Variants in COL19A1 observed in about 807,000 individuals in gnomAD.
COL19A1 encodes the protein collagen type XIX alpha 1 chain.
In COL19A1, 159 loss-of-function variants were observed where a neutral mutation model predicts 190.2. The ratio of observed to expected loss-of-function variants is 0.84; its 90% CI spans 0.73 to 0.95. The LOEUF is 0.95. Among genes scored for constraint, COL19A1 ranks in the 40% least tolerant of loss-of-function variants. The probability of loss-of-function intolerance (pLI) is 0.00; values close to 1 mark genes in which losing one functional copy is unlikely to be tolerated. For synonymous variants in COL19A1, 509 were observed against 458.9 expected (o/e 1.11, Z -1.39); for missense variants, 1,418 against 1,431.9 (o/e 0.99, Z 0.16).
chr6:69,926,028 G>T (rs1356358582), intron 4 of COL19A1, among the ~76,000 whole-genome samples: 2 of 152,162 alleles, frequency 1.3e-5, no homozygotes, highest in African/African-American at 4.8e-5. Flanking sequence ...CATGTCATCT[G>T]CAAACAGGGA....
intron 15 of COL19A1, among the ~76,000 whole-genome samples, chr6:70,069,829 T>A (rs1781444563): frequency 6.6e-6 from 1 of 152,200 alleles, no homozygotes; most frequent in Non-Finnish European, 1.5e-5. Flanking sequence ...TTGATTTTAA[T>A]CCCTAATAGC....
chr6:69,947,808 C>A lies in COL19A1; in HGVS notation c.936+9708C>A, dbSNP rs146884907. ...CTTCATTGATGCTACTTTTTCCTTT[C>A]ATAAATTATTCAGTCTGATATGCAA... On this transcript the variant is annotated intron_variant, in intron 9 of 50. Transcript: ENST00000620364. 9.5e-3 allele frequency among the ~76,000 whole-genome samples: 1,436 copies of A among 151,832 alleles called. 10 individuals are homozygous for A. Among genetic ancestry groups the A allele is most frequent in the Non-Finnish European group, 0.017 (1,120 of 67,824 alleles).
chr6:69,929,154 C>CACACA (rs1772587669), intron 5 of COL19A1, among the ~76,000 whole-genome samples: 4 of 117,502 alleles, frequency 3.4e-5, no homozygotes, highest in African/African-American at 1.2e-4. Context: ...TTTAAAATAA[C>CACACA]TACACACACA....
chr6:70,186,705 C>T (rs1245775726), intron 46 of COL19A1, among the ~76,000 whole-genome samples: 1 of 152,068 alleles, frequency 6.6e-6, no homozygotes, highest in Non-Finnish European at 1.5e-5. Context: ...AAGCAACTGC[C>T]ATGATCTCTC....
intron 10 of COL19A1, among the ~76,000 whole-genome samples, chr6:69,962,495 T>A (rs991745080): frequency 6.6e-6 from 1 of 152,172 alleles, no homozygotes; most frequent in Non-Finnish European, 1.5e-5. Flanking sequence ...GTCTTTGCCA[T>A]GAACTATGAG....
chr6:69,982,558 T>C (rs1348294655), intron 11 of COL19A1, among the ~76,000 whole-genome samples: 2 of 151,000 alleles, frequency 1.3e-5, no homozygotes, highest in Non-Finnish European at 3.0e-5. Flanking sequence ...AACAATACAA[T>C]ATTGCCAAAA....
chr6:70,123,812 G>A lies in COL19A1; in HGVS notation c.1341+1870G>A, dbSNP rs1347496620. 2.3e-5 allele frequency among the ~76,000 whole-genome samples: 3 copies of A among 129,342 alleles called. No individual in the cohort carries two copies. In the Admixed American group the frequency reaches 2.4e-4, roughly 10 times the overall value. 84.9% of individuals were successfully genotyped at this position (129,342 alleles called of 152,430 possible). A position where few individuals can be genotyped will look rare whatever the true frequency, so the allele number is the denominator to read the frequency against. On this transcript the variant is annotated intron_variant, in intron 17 of 50. Coordinates refer to ENST00000620364, the MANE Select transcript of COL19A1 (RefSeq NM_001858.6). ...AATATCACACTCTGGGGACTGTTGTGGGGTCGGGGGAGGGGGGAGGGATAG... is the reference window on the plus strand; with the variant it reads ...AATATCACACTCTGGGGACTGTTGTAGGGTCGGGGGAGGGGGGAGGGATAG...
intron 9 of COL19A1, among the ~76,000 whole-genome samples, chr6:69,957,826 T>C (rs1354925483): frequency 6.6e-6 from 1 of 152,186 alleles, no homozygotes; most frequent in Non-Finnish European, 1.5e-5. Context: ...CCTAGAACTA[T>C]AAACCTGGGT....
chr6:69,897,915 G>A (rs1769900981), intron 2 of COL19A1, among the ~76,000 whole-genome samples: 1 of 151,972 alleles, frequency 6.6e-6, no homozygotes, highest in Non-Finnish European at 1.5e-5. Flanking sequence ...TTAAGTGGTA[G>A]CATTATTTAG....
At chr6:69,960,063 A>G (rs1350459476) in intron 10 of COL19A1, 23 bp downstream of exon 10, 4 of 1,601,702 alleles carry the variant, frequency 2.5e-6, no homozygotes, top group East Asian at 2.2e-5. Context: ...TGAATGTTTC[A>G]TCTGAGTTAA....
intron 15 of COL19A1, among the ~76,000 whole-genome samples, chr6:70,072,012 T>C (rs1781588874): frequency 6.6e-6 from 1 of 151,918 alleles, no homozygotes; most frequent in South Asian, 2.1e-4. Flanking sequence ...AATTAGGGCA[T>C]GAGTTGTGAG....
chr6:70,091,904 A>T (rs1454159233), intron 15 of COL19A1, among the ~76,000 whole-genome samples: 1 of 152,214 alleles, frequency 6.6e-6, no homozygotes, highest in Non-Finnish European at 1.5e-5. Flanking sequence ...TTACCCAGTT[A>T]CAGCTTCAGG....
chr6:69,876,103 G>C lies in COL19A1; in HGVS notation c.-32-3433G>C, dbSNP rs143119098. Among the ~76,000 whole-genome samples, 769 of 152,258 alleles carry C rather than the reference G, an allele frequency of 5.1e-3. 7 individuals are homozygous for C. The highest frequency in any genetic ancestry group is 0.018 in the African/African-American group (730 of 41,552). On this transcript the variant is annotated intron_variant, in intron 1 of 50. Coordinates refer to ENST00000620364, the MANE Select transcript of COL19A1 (RefSeq NM_001858.6). ...AGGTGCCACCAAGAATTGAAGAAGG[G>C]AAGAGAAACGGATTCTTCTTTCAAG... is the stretch of plus-strand genomic sequence containing the variant.
intron 9 of COL19A1, among the ~76,000 whole-genome samples, chr6:69,955,512 G>A (rs1245052281): frequency 2.3e-4 from 35 of 149,458 alleles, no homozygotes; most frequent in Admixed American, 2.1e-3. Context: ...CTGTATAGTA[G>A]CCACAGCAAA....
At chr6:69,874,961 G>A (rs1768051599) in intron 1 of COL19A1, among the ~76,000 whole-genome samples, 1 of 151,864 alleles carries the variant, frequency 6.6e-6, no homozygotes, top group South Asian at 2.1e-4. Flanking sequence ...TATTTATTGA[G>A]TCTCTGATTT....
intron 11 of COL19A1, among the ~76,000 whole-genome samples, chr6:70,009,788 A>G (rs775494375): frequency 3.9e-5 from 6 of 152,192 alleles, no homozygotes; most frequent in Non-Finnish European, 8.8e-5. Flanking sequence ...ACCCACATAT[A>G]TCTAGACAAA....
intron 4 of COL19A1, among the ~76,000 whole-genome samples, chr6:69,916,860 G>A (rs1215175099): frequency 6.6e-6 from 1 of 152,136 alleles, no homozygotes; most frequent in Non-Finnish European, 1.5e-5. Flanking sequence ...AAAGATACAA[G>A]CAACTTGATA....
chr6:70,071,555 A>T (rs1451310426), intron 15 of COL19A1, among the ~76,000 whole-genome samples: 2 of 152,074 alleles, frequency 1.3e-5, no homozygotes, highest in African/African-American at 4.8e-5. Flanking sequence ...TGGATCTTTT[A>T]TATGCCATTA....
chr6:70,129,549 G>A (rs1259745000), intron 17 of COL19A1, among the ~76,000 whole-genome samples: 1 of 152,176 alleles, frequency 6.6e-6, no homozygotes, highest in Non-Finnish European at 1.5e-5. Flanking sequence ...TCATTAGCAG[G>A]AATTAGAAGT....
Sources: gnomAD v4.1 joint callset for allele counts (sites outside exome capture counted in the v4.1 genomes callset) on GRCh38, gnomAD v4.1.1 for gene constraint, MANE v1.5 for transcripts, NCBI Gene and HGNC (gene_info 2026-07-23, HGNC 2026-07-21) for gene names.